Variants in FCHSD2 observed in about 807,000 individuals in gnomAD.
FCHSD2 encodes FCH and double SH3 domains 2, also known as F-BAR and double SH3 domains protein 2.
A neutral mutation model predicts 108.1 loss-of-function variants in FCHSD2; 38 were observed. The ratio of observed to expected loss-of-function variants is 0.35; its 90% CI spans 0.27 to 0.46. The LOEUF (loss-of-function observed/expected upper bound fraction) is 0.46, where lower values mean the gene tolerates loss of function less well. Ranked by LOEUF, FCHSD2 falls within the 20% of genes least tolerant of loss-of-function variation. FCHSD2 has a pLI of 1.00. For synonymous variants in FCHSD2, 279 were observed against 314.7 expected, an observed-to-expected ratio of 0.89 and a Z score of 1.20; for missense variants, 751 against 897.8, an observed-to-expected ratio of 0.84 and a Z score of 2.09.
intron 8 of FCHSD2, among the ~76,000 whole-genome samples, chr11:72,932,773 GGTCT>G (rs1416812638): frequency 6.6e-6 from 1 of 152,136 alleles, no homozygotes; most frequent in Admixed American, 6.6e-5. Flanking sequence ...GGAGGCATCA[GGTCT>G]GTCTGTTTAC....
intron 3 of FCHSD2, among the ~76,000 whole-genome samples, chr11:73,023,838 CTATT>C (rs1222468107): frequency 6.6e-6 from 1 of 152,168 alleles, no homozygotes; most frequent in African/African-American, 2.4e-5. Context: ...AAGAAACAAA[CTATT>C]AATTCACATA....
At chr11:73,136,331 C>T (rs1002502488) in intron 2 of FCHSD2, among the ~76,000 whole-genome samples, 6 of 151,886 alleles carry the variant, frequency 4.0e-5, no homozygotes, top group African/African-American at 1.2e-4. Context: ...AGTGGCCTGA[C>T]GGTAGGACTG....
chr11:72,846,324 G>T (rs574537110), intron 14 of FCHSD2, among the ~76,000 whole-genome samples: 1 of 151,982 alleles, frequency 6.6e-6, no homozygotes, highest in Non-Finnish European at 1.5e-5. Flanking sequence ...GGGATTACAG[G>T]TGCACACCAC....
At chr11:72,976,272 A>G (rs1857102518) in intron 8 of FCHSD2, among the ~76,000 whole-genome samples, 1 of 152,188 alleles carries the variant, frequency 6.6e-6, no homozygotes, top group African/African-American at 2.4e-5. Context: ...GTATTTAGAT[A>G]TCAACATGAA....
intron 12 of FCHSD2, among the ~76,000 whole-genome samples, chr11:72,883,933 A>G (rs1240815749): frequency 3.7e-5 from 5 of 134,464 alleles, no homozygotes; most frequent in Admixed American, 2.8e-4. Flanking sequence ...CCGTGTCTCA[A>G]AAAAAAAAAA....
chr11:72,989,753 C>T (rs989012410), intron 5 of FCHSD2, among the ~76,000 whole-genome samples: 2 of 152,184 alleles, frequency 1.3e-5, no homozygotes, highest in African/African-American at 4.8e-5. Flanking sequence ...GCAACACTGC[C>T]TCAGGACCTT....
chr11:73,078,579 T>C (rs928410677), intron 3 of FCHSD2, among the ~76,000 whole-genome samples: 21 of 152,096 alleles, frequency 1.4e-4, no homozygotes, highest in Non-Finnish European at 2.5e-4. Flanking sequence ...AGGGTACATA[T>C]TCTATGATGC....
chr11:72,981,698 A>G (rs1226764014), intron 8 of FCHSD2, among the ~76,000 whole-genome samples: 1 of 152,224 alleles, frequency 6.6e-6, no homozygotes, highest in African/African-American at 2.4e-5. Context: ...AAAACCAGCC[A>G]GGCCCAGTAG....
intron 8 of FCHSD2, among the ~76,000 whole-genome samples, chr11:72,950,506 T>C (rs1020528984): frequency 3.7e-4 from 57 of 152,144 alleles, no homozygotes; most frequent in African/African-American, 1.3e-3. Flanking sequence ...TTTTTATATA[T>C]GCTGTGAGGT....
intron 8 of FCHSD2, among the ~76,000 whole-genome samples, chr11:72,983,597 G>A (rs1857257419): frequency 1.3e-5 from 2 of 152,034 alleles, no homozygotes; most frequent in African/African-American, 4.8e-5. Flanking sequence ...ATATTCTTTT[G>A]CATAAAACTT....
At chr11:72,970,471 G>A (rs1433477773) in intron 8 of FCHSD2, among the ~76,000 whole-genome samples, 4 of 152,126 alleles carry the variant, frequency 2.6e-5, no homozygotes, top group Non-Finnish European at 4.4e-5. Context: ...TTTTAACCTG[G>A]TTGGTTTTAA....
At chr11:72,914,281 C>T (rs371262804) in intron 9 of FCHSD2, among the ~76,000 whole-genome samples, 37 of 152,162 alleles carry the variant, frequency 2.4e-4, no homozygotes, top group African/African-American at 7.5e-4. Flanking sequence ...TCCCAAAGTG[C>T]TGGGATTACA....
At chr11:73,091,988 T>C (rs1244376390) in intron 2 of FCHSD2, among the ~76,000 whole-genome samples, 1 of 152,042 alleles carries the variant, frequency 6.6e-6, no homozygotes, top group East Asian at 1.9e-4. Context: ...TGAGCTGAAA[T>C]TGTGCCACTG....
intron 4 of FCHSD2, among the ~76,000 whole-genome samples, chr11:73,009,364 G>T (rs1179245397): frequency 2.6e-5 from 4 of 152,036 alleles, no homozygotes; most frequent in Non-Finnish European, 4.4e-5. Context: ...AGGTGTGGTG[G>T]CGTACACCTG....
chr11:73,131,462 G>A (rs1861000113), intron 2 of FCHSD2, among the ~76,000 whole-genome samples: 1 of 152,052 alleles, frequency 6.6e-6, no homozygotes, highest in Non-Finnish European at 1.5e-5. Context: ...CCAGAAGGCG[G>A]ACCTTGCAGT....
chr11:73,106,184 G>C (rs1860337699), intron 2 of FCHSD2, among the ~76,000 whole-genome samples: 1 of 152,056 alleles, frequency 6.6e-6, no homozygotes, highest in Non-Finnish European at 1.5e-5. Flanking sequence ...ATAAAAGGAG[G>C]ACTGCTTTGG....
At chr11:73,107,728 C>A (rs1860379333) in intron 2 of FCHSD2, among the ~76,000 whole-genome samples, 1 of 152,166 alleles carries the variant, frequency 6.6e-6, no homozygotes, top group Non-Finnish European at 1.5e-5. Context: ...GCTTATTACA[C>A]TAACATAATG....
At chr11:72,929,853 C>T (rs1856153226) in intron 8 of FCHSD2, among the ~76,000 whole-genome samples, 1 of 152,094 alleles carries the variant, frequency 6.6e-6, no homozygotes, top group South Asian at 2.1e-4. Flanking sequence ...CCCTTAATTC[C>T]TTGAGAACAG....
intron 5 of FCHSD2, among the ~76,000 whole-genome samples, chr11:72,992,990 C>A (rs1381115400): frequency 3.9e-5 from 6 of 151,954 alleles, no homozygotes; most frequent in African/African-American, 1.4e-4. Context: ...AATGGGAGAA[C>A]ATTTTTGCAA....
Sources: allele counts gnomAD v4.1 joint callset (sites outside exome capture counted in the v4.1 genomes callset), GRCh38; gene constraint gnomAD v4.1.1; transcripts MANE v1.5; gene names NCBI Gene and HGNC (gene_info 2026-07-23, HGNC 2026-07-21).